The following CDH12 variants were observed in gnomAD, a reference collection of about 807,000 sequenced individuals.
CDH12 encodes the protein cadherin-12.
CDH12 carries 41 observed loss-of-function variants against 74.1 expected under a neutral mutation model. The observed-to-expected ratio is 0.55, with a 90% CI of 0.43 to 0.72. The LOEUF is 0.72. CDH12 is among the 30% of genes least tolerant of loss of function. The probability of loss-of-function intolerance (pLI) is 0.00; values close to 1 mark genes in which losing one functional copy is unlikely to be tolerated. For synonymous variants in CDH12, 399 were observed against 355.0 expected (o/e 1.12, Z -1.39); for missense variants, 945 against 977.2 (o/e 0.97, Z 0.44).
chr5:21,967,015 C>T (rs1339243881), intron 6 of CDH12, among the ~76,000 whole-genome samples: 2 of 152,034 alleles, frequency 1.3e-5, no homozygotes, highest in Non-Finnish European at 2.9e-5. Flanking sequence ...TCACCTGAAT[C>T]AGTGGGTATA....
chr5:22,093,457 C>T (rs1743555021), intron 4 of CDH12, among the ~76,000 whole-genome samples: 3 of 152,128 alleles, frequency 2.0e-5, no homozygotes, highest in Non-Finnish European at 2.9e-5. Flanking sequence ...ATAAAGTCCT[C>T]ATGCCTGCTA....
intron 3 of CDH12, among the ~76,000 whole-genome samples, chr5:22,354,141 T>C (rs1416720178): frequency 6.6e-6 from 1 of 152,122 alleles, no homozygotes; most frequent in East Asian, 1.9e-4. Flanking sequence ...TATCAAATTA[T>C]CGAAGGCAAA....
intron 7 of CDH12, among the ~76,000 whole-genome samples, chr5:21,849,706 C>T (rs1376442244): frequency 1.3e-5 from 2 of 151,682 alleles, no homozygotes; most frequent in African/African-American, 4.8e-5. Flanking sequence ...TTCACCAGTA[C>T]CAACTGAGGT....
intron 1 of CDH12, among the ~76,000 whole-genome samples, chr5:22,779,336 A>AT (rs1168085381): frequency 1.0e-4 from 14 of 137,304 alleles, no homozygotes; most frequent in Non-Finnish European, 2.0e-4. Flanking sequence ...CACAAAGGAC[A>AT]TTTTTTATGT....
chr5:22,013,314 CT>C (rs1737403953), intron 5 of CDH12, among the ~76,000 whole-genome samples: 2 of 152,116 alleles, frequency 1.3e-5, no homozygotes, highest in Non-Finnish European at 2.9e-5. Context: ...AACTCACTCA[CT>C]ATCACAAGAA....
intron 3 of CDH12, among the ~76,000 whole-genome samples, chr5:22,394,114 A>G (rs1438763219): frequency 6.6e-6 from 1 of 152,172 alleles, no homozygotes; most frequent in East Asian, 1.9e-4. Context: ...TCACTGTTGG[A>G]AACGTGTGCT....
chr5:22,780,780 T>C lies in CDH12; in HGVS notation c.-523+72278A>G, dbSNP rs183714855. ...ACAGAATGAGACCCTGTTTCTCTCTTTTTTTTAAGTGTGATCTATAGACAA... is the reference window on the plus strand; with the variant it reads ...ACAGAATGAGACCCTGTTTCTCTCTCTTTTTTAAGTGTGATCTATAGACAA... On this transcript the variant is annotated intron_variant, in intron 1 of 14. Coordinates refer to ENST00000382254, the MANE Select transcript of CDH12 (RefSeq NM_004061.5). 4.6e-5 allele frequency among the ~76,000 whole-genome samples: 7 copies of C among 152,194 alleles called. No individual in the cohort carries two copies. In the East Asian group the frequency reaches 1.4e-3, roughly 29 times the overall value.
At chr5:22,673,146 G>T (rs1311227641) in intron 1 of CDH12, among the ~76,000 whole-genome samples, 2 of 152,018 alleles carry the variant, frequency 1.3e-5, no homozygotes, top group African/African-American at 4.8e-5. Context: ...TATTTACAGT[G>T]CATTATGAAA....
At chr5:22,061,460 C>G (rs1201036819) in intron 5 of CDH12, among the ~76,000 whole-genome samples, 1 of 152,024 alleles carries the variant, frequency 6.6e-6, no homozygotes, top group African/African-American at 2.4e-5. Flanking sequence ...AATGGTATAA[C>G]CATGGCATAT....
At chr5:22,652,327 A>G (rs1489926772) in intron 1 of CDH12, among the ~76,000 whole-genome samples, 1 of 152,100 alleles carries the variant, frequency 6.6e-6, no homozygotes, top group Non-Finnish European at 1.5e-5. Context: ...TACATGTGAT[A>G]TATTTAAAAA....
At chr5:22,382,162 A>C (rs2126386085) in intron 3 of CDH12, among the ~76,000 whole-genome samples, 1 of 145,254 alleles carries the variant, frequency 6.9e-6, no homozygotes, top group Non-Finnish European at 1.5e-5. Flanking sequence ...AATATATACT[A>C]TTTTATTATA....
intron 4 of CDH12, among the ~76,000 whole-genome samples, chr5:22,212,024 A>T (rs1050942706): frequency 6.6e-6 from 1 of 151,318 alleles, no homozygotes; most frequent in Non-Finnish European, 1.5e-5. Flanking sequence ...ATATTCAGGG[A>T]TTTAGTCCTA....
intron 5 of CDH12, among the ~76,000 whole-genome samples, chr5:22,000,436 A>G (rs1457340226): frequency 6.6e-6 from 1 of 152,168 alleles, no homozygotes; most frequent in African/African-American, 2.4e-5. Flanking sequence ...ATAAAGCTAT[A>G]TGTGTAAGTC....
At chr5:22,250,190 A>AATAT (rs35658227) in intron 3 of CDH12, among the ~76,000 whole-genome samples, 170 of 150,300 alleles carry the variant, frequency 1.1e-3, no homozygotes, top group East Asian at 6.7e-3. Context: ...AAAAGAAAAG[A>AATAT]ATATATATAT....
At chr5:22,230,161 T>A (rs1345194422) in intron 3 of CDH12, among the ~76,000 whole-genome samples, 1 of 152,066 alleles carries the variant, frequency 6.6e-6, no homozygotes, top group Non-Finnish European at 1.5e-5. Flanking sequence ...CAACCCTACA[T>A]CTGCCCACTC....
chr5:22,438,648 C>T (rs909328245), intron 2 of CDH12, among the ~76,000 whole-genome samples: 14 of 151,884 alleles, frequency 9.2e-5, no homozygotes, highest in African/African-American at 3.4e-4. Context: ...TCTCATGTGG[C>T]CAGTGGCTAC....
At chr5:21,781,793 T>G (rs558033109) in intron 11 of CDH12, among the ~76,000 whole-genome samples, 3 of 152,094 alleles carry the variant, frequency 2.0e-5, no homozygotes, top group Non-Finnish European at 4.4e-5. Flanking sequence ...TTATGCATTT[T>G]AAAAATTTTC....
At chr5:22,706,251 T>C (rs949992521) in intron 1 of CDH12, among the ~76,000 whole-genome samples, 2 of 152,114 alleles carry the variant, frequency 1.3e-5, no homozygotes, top group Admixed American at 1.3e-4. Context: ...TAGAGTGTAA[T>C]CTTAAATGCT....
intron 3 of CDH12, among the ~76,000 whole-genome samples, chr5:22,321,106 T>A (rs897377250): frequency 5.3e-5 from 8 of 152,254 alleles, no homozygotes; most frequent in African/African-American, 1.7e-4. Flanking sequence ...GCACAACTGA[T>A]AGGGGACAGG....
Sources: gnomAD v4.1 joint callset for allele counts (sites outside exome capture counted in the v4.1 genomes callset) on GRCh38, gnomAD v4.1.1 for gene constraint, MANE v1.5 for transcripts, NCBI Gene and HGNC (gene_info 2026-07-23, HGNC 2026-07-21) for gene names.